The following COL5A1 variants were observed in gnomAD, a reference collection of about 807,000 sequenced individuals.
The protein encoded by COL5A1 is collagen alpha-1(V) chain.
A neutral mutation model predicts 263.7 loss-of-function variants in COL5A1; 16 were observed. The ratio of observed to expected loss-of-function variants is 0.06; its 90% confidence interval spans 0.04 to 0.09. The LOEUF is 0.09. COL5A1 is among the 10% of genes least tolerant of loss of function. The probability of loss-of-function intolerance (pLI) is 1.00; values close to 1 mark genes in which losing one functional copy is unlikely to be tolerated. For missense variants in COL5A1, 2,036 were observed against 2,540.5 expected (o/e 0.80, Z 4.27); for synonymous variants, 1,012 against 1,004.5 (o/e 1.01, Z -0.14).
rs573607454 is a variant in COL5A1, at chr9:134,742,823, G to A, written c.1494+4015G>A. On this transcript the variant is annotated intron_variant, in intron 11 of 65. Transcript: ENST00000371817. The surrounding 1 kb of genome is among the most constrained non-coding windows in gnomAD (Gnocchi z 4.6). ...CCTATGATGCCATGGTGGCAGTGCCGTGCCCCTGTGGGTCGCTGAGCAGTG... is the reference window on the plus strand; with the variant it reads ...CCTATGATGCCATGGTGGCAGTGCCATGCCCCTGTGGGTCGCTGAGCAGTG... Among the ~76,000 whole-genome samples the A allele has an allele frequency of 2.9e-4, 44 of 152,314 alleles. No individual in the cohort carries two copies. Among genetic ancestry groups the A allele is most frequent in the Non-Finnish European group, 4.7e-4 (32 of 68,022 alleles).
chr9:134,802,882 C>G lies in COL5A1; in HGVS notation c.3007-6C>G. The stretch of plus-strand genomic sequence containing the variant: ...CGTCTGTGGCTGACACTGATTTTCC[C>G]CACAGGGTCCCACGGGAGAAACGGG... On this transcript the variant is annotated splice_polypyrimidine_tract_variant and splice_region_variant and intron_variant, in intron 38 of 65. Coordinates refer to ENST00000371817, the MANE Select transcript of COL5A1 (RefSeq NM_000093.5). 1 of 1,608,794 alleles carries G rather than the reference C, an allele frequency of 6.2e-7. No homozygotes were observed. Among genetic ancestry groups the G allele is most frequent in the South Asian group, 1.1e-5 (1 of 90,370 alleles).
At chr9:134,747,542 C>T (rs78086981) in intron 11 of COL5A1, among the ~76,000 whole-genome samples, 1 of 151,888 alleles carries the variant, frequency 6.6e-6, no homozygotes, top group South Asian at 2.1e-4. Flanking sequence ...CATCCACACA[C>T]ACCTGCATAT....
Position 134,749,867 on chromosome 9 carries a change from C to T in COL5A1, c.1495-675C>T, listed in dbSNP as rs145954405. ...TAAATCATCTTACTGGTTTTACATGCGTATAGTGGTCTGAAGCTGGCTGGA... is the reference window on the plus strand; with the variant it reads ...TAAATCATCTTACTGGTTTTACATGTGTATAGTGGTCTGAAGCTGGCTGGA... On this transcript the variant is annotated intron_variant, in intron 11 of 65. Coordinates refer to ENST00000371817, the MANE Select transcript of COL5A1 (RefSeq NM_000093.5). Among the ~76,000 whole-genome samples, 584 of 152,312 alleles carry T rather than the reference C, an allele frequency of 3.8e-3. 6 individuals are homozygous for T. Among genetic ancestry groups the T allele is most frequent in the Admixed American group, 9.9e-3 (152 of 15,302 alleles).
Position 134,741,787 on chromosome 9 carries a change from GGCCTTTTCCCTGGGGTCTGGAAGA to G in COL5A1, c.1494+2983_1494+3006del, listed in dbSNP as rs1044029621. 6.6e-6 allele frequency among the ~76,000 whole-genome samples: 1 copy of G among 152,078 alleles called. No homozygotes were observed. The highest frequency in any genetic ancestry group is 1.5e-5 in the Non-Finnish European group (1 of 67,990). On this transcript the variant is annotated intron_variant, in intron 11 of 65. Coordinates refer to ENST00000371817, the MANE Select transcript of COL5A1 (RefSeq NM_000093.5). The surrounding 1 kb of genome is among the most constrained non-coding windows in gnomAD (Gnocchi z 4.5). ...GGCCTCCTGTGCCTCTGTCTGGGAG[GGCCTTTTCCCTGGGGTCTGGAAGA>G]GCCCTCTTCTCCCTGCCACTCCCAA...
chr9:134,703,698 C>T (rs1217099890), intron 4 of COL5A1, among the ~76,000 whole-genome samples: 1 of 129,960 alleles, frequency 7.7e-6, no homozygotes, highest in Non-Finnish European at 1.5e-5. Context: ...AGTGCAGTGG[C>T]ACGATCTCGG....
At chr9:134,839,794 A>G (rs1839963921) in intron 65 of COL5A1, among the ~76,000 whole-genome samples, 1 of 152,164 alleles carries the variant, frequency 6.6e-6, no homozygotes, top group African/African-American at 2.4e-5. Context: ...GCCACCTCTC[A>G]TTGAATATCC....
At chr9:134,782,781 A>C in intron 29 of COL5A1, 61 bp downstream of exon 29, 35 of 576,752 alleles carry the variant, frequency 6.1e-5, no homozygotes, top group Non-Finnish European at 9.9e-5. Flanking sequence ...GCCGTGTGGG[A>C]GGGGGTGGGG....
At chr9:134,827,597 CAG>C (rs1839342085) in intron 63 of COL5A1, among the ~76,000 whole-genome samples, 1 of 152,230 alleles carries the variant, frequency 6.6e-6, no homozygotes. Flanking sequence ...CCTCCAAACT[CAG>C]AGGTTTCCTG....
chr9:134,696,284 C>T lies in COL5A1; in HGVS notation c.278-3625C>T, dbSNP rs569444227. On this transcript the variant is annotated intron_variant, in intron 2 of 65. Transcript: ENST00000371817. This position sits in a 1 kb window ranked among gnomAD's most constrained non-coding sequence, Gnocchi z 4.3. ...TGCCTCCCAGGTTCAAGCGATTCTCCTGCCTCAGCCCCCCGAGTAGTTGGG... is the reference window on the plus strand; with the variant it reads ...TGCCTCCCAGGTTCAAGCGATTCTCTTGCCTCAGCCCCCCGAGTAGTTGGG... 2.6e-5 allele frequency among the ~76,000 whole-genome samples: 4 copies of T among 152,264 alleles called. No homozygotes were observed. The East Asian group carries it at 7.7e-4, about 29-fold the overall frequency.
intron 1 of COL5A1, among the ~76,000 whole-genome samples, chr9:134,684,885 T>C (rs1832960490): frequency 6.6e-6 from 1 of 152,146 alleles, no homozygotes; most frequent in Non-Finnish European, 1.5e-5. Context: ...CATCCACTCA[T>C]CCATCCATCC....
At chr9:134,836,263 G>A (rs1839852460) in intron 65 of COL5A1, among the ~76,000 whole-genome samples, 1 of 152,192 alleles carries the variant, frequency 6.6e-6, no homozygotes, top group African/African-American at 2.4e-5. Context: ...TTGGGAAGGT[G>A]AAGGGGCCAG....
At chr9:134,685,728 A>C (rs1833049500) in intron 1 of COL5A1, among the ~76,000 whole-genome samples, 1 of 144,132 alleles carries the variant, frequency 6.9e-6, no homozygotes, top group African/African-American at 2.7e-5. Context: ...CTATCCATCC[A>C]TTCATCCATC....
chr9:134,706,531 C>T (rs1331748133), intron 4 of COL5A1, among the ~76,000 whole-genome samples: 2 of 152,136 alleles, frequency 1.3e-5, no homozygotes, highest in African/African-American at 2.4e-5. Context: ...CCCACTGTGC[C>T]CTGGAAGAAG....
Position 134,825,809 on chromosome 9 carries a change from C to A in COL5A1, c.4972C>A (p.Pro1658Thr). The A allele has an allele frequency of 6.2e-7, 1 of 1,612,304 alleles. No individual in the cohort carries two copies. Among genetic ancestry groups the A allele is most frequent in the South Asian group, 1.1e-5 (1 of 90,986 alleles). The change falls in exon 63 of 66, where the codon CCT becomes ACT. Residue 1658 changes from proline to threonine, a missense_variant. Around this residue, in one of 3 missense-constraint regions of COL5A1, gnomAD observed 358 missense variants for 384.6 expected, o/e 0.93. Transcript: ENST00000371817. Reference sequence around the variant, plus strand: ...AAATCCAGGTGAATACTGGGTCGATCCTAACCAAGGATGCTCCAGGGATTC... The same window carrying A: ...AAATCCAGGTGAATACTGGGTCGATACTAACCAAGGATGCTCCAGGGATTC... Reference protein sequence around the residue: ...DFPDGEYWVDPNQGCSRDSFK... With the variant: ...DFPDGEYWVDTNQGCSRDSFK...
At chr9:134,822,046 C>T (rs774357248) in intron 58 of COL5A1, 51 bp from the exon 59 acceptor site, 1 of 1,542,332 alleles carries the variant, frequency 6.5e-7, no homozygotes, top group African/African-American at 1.4e-5. Flanking sequence ...TGCAGCCCCG[C>T]AGCTCCTCCT....
In COL5A1 at chr9:134,844,713, C is replaced by G. The variant is rs886063694; in HGVS notation, c.*2410C>G. ...ACATTGTACGGTTTCAAAAAATCCGCTAGACATGTCATAAGTTTTAACTGT... is the reference window on the plus strand; with the variant it reads ...ACATTGTACGGTTTCAAAAAATCCGGTAGACATGTCATAAGTTTTAACTGT... On this transcript the variant is annotated 3_prime_UTR_variant, in exon 66 of 66. Coordinates refer to ENST00000371817, the MANE Select transcript of COL5A1 (RefSeq NM_000093.5). 13 of 152,200 alleles carry G rather than the reference C, an allele frequency of 8.5e-5. No homozygotes were observed. Among genetic ancestry groups the G allele is most frequent in the Non-Finnish European group, 1.6e-4 (11 of 68,028 alleles). 9.4% of individuals were successfully genotyped at this position (152,200 alleles called of 1,614,324 possible).
intron 1 of COL5A1, among the ~76,000 whole-genome samples, chr9:134,669,834 C>T (rs1182894521): frequency 6.6e-6 from 1 of 152,162 alleles, no homozygotes; most frequent in Non-Finnish European, 1.5e-5. Flanking sequence ...CATAAGACAA[C>T]TCCATGGTGG....
At position 134,821,262 on chromosome 9, in the gene COL5A1, T is replaced by C. The variant is rs1384851569; in HGVS notation, c.4555-835T>C. Among the ~76,000 whole-genome samples, 1 of 152,100 alleles carries C rather than the reference T, an allele frequency of 6.6e-6. No individual in the cohort carries two copies. Among genetic ancestry groups the C allele is most frequent in the African/African-American group, 2.4e-5 (1 of 41,410 alleles). On this transcript the variant is annotated intron_variant, in intron 58 of 65. Transcript: ENST00000371817. This position sits in a 1 kb window ranked among gnomAD's most constrained non-coding sequence, Gnocchi z 4.2. ...GTCCACCCTGTTTGCTCACCTGCCC[T>C]CACCCCAAACCATGGTCTTGGCGGC...
chr9:134,835,467 T>C (rs1250461879), intron 65 of COL5A1, among the ~76,000 whole-genome samples: 1 of 152,098 alleles, frequency 6.6e-6, no homozygotes, highest in Non-Finnish European at 1.5e-5. Context: ...GGGGCGTGGG[T>C]CCCTCGCCCC....
Sources: allele counts gnomAD v4.1 joint callset (sites outside exome capture counted in the v4.1 genomes callset), GRCh38; gene constraint gnomAD v4.1.1; regional missense constraint gnomAD v4.1.1; non-coding constraint Gnocchi (gnomAD v3.1); transcripts MANE v1.5; gene names NCBI Gene and HGNC (gene_info 2026-07-23, HGNC 2026-07-21).